RGS6: variants seen among roughly 807,000 people sequenced by gnomAD.
RGS6 encodes regulator of G-protein signaling 6.
In RGS6, 30 loss-of-function variants were observed where a neutral mutation model predicts 78.5. That is an observed-to-expected ratio of 0.38 (90% CI 0.29 to 0.52). The LOEUF is 0.52. RGS6 is among the 20% of genes least tolerant of loss of function. The pLI is 0.85. For missense variants in RGS6, 495 were observed against 609.7 expected (o/e 0.81, Z 1.98); for synonymous variants, 206 against 206.0 (o/e 1.00, Z 0.00).
At chr14:71,881,231 A>G in the RGS6 span, among the ~76,000 whole-genome samples, 1 of 152,240 alleles carries the variant, frequency 6.6e-6, no homozygotes, top group African/African-American at 2.4e-5. Flanking sequence ...TTACAGGCTC[A>G]TAGGCAGAAG....
chr14:72,506,151 G>A (rs910809592), intron 13 of RGS6, among the ~76,000 whole-genome samples: 3 of 152,154 alleles, frequency 2.0e-5, no homozygotes, highest in African/African-American at 7.2e-5. Context: ...TTTCATTTTA[G>A]TGCTGAACAC....
At chr14:72,374,956 A>G (rs73291331) in intron 3 of RGS6, among the ~76,000 whole-genome samples, 2,921 of 152,344 alleles carry the variant, frequency 0.019, 33 homozygotes, top group Middle Eastern at 0.034. Context: ...AATGAAAAAT[A>G]TAATTGAAAT....
intron 2 of RGS6, among the ~76,000 whole-genome samples, chr14:72,025,604 C>T (rs926318601): frequency 6.6e-6 from 1 of 152,034 alleles, no homozygotes; most frequent in Admixed American, 6.6e-5. Context: ...CTGTGCCTTT[C>T]CATAGGGCCA....
rs565418566 is a variant in RGS6, at chr14:72,492,249, T to C, written c.855-2903T>C. Among the ~76,000 whole-genome samples the C allele has an allele frequency of 3.9e-5, 6 of 152,296 alleles. No individual in the cohort carries two copies. The East Asian group carries it at 9.6e-4, about 24-fold the overall frequency. The stretch of plus-strand genomic sequence containing the variant: ...GAAGACTCAAAGACCCAGGGAAAAC[T>C]GTATTTGTGCTTAGGTTCCATGAAG... On this transcript the variant is annotated intron_variant, in intron 12 of 17. Coordinates refer to ENST00000553525, the MANE Select transcript of RGS6 (RefSeq NM_001204424.2).
In RGS6 at chr14:72,269,113, T is replaced by C. The variant is rs548035327; in HGVS notation, c.85-82982T>C. Among the ~76,000 whole-genome samples the C allele has an allele frequency of 2.1e-5, 3 of 139,978 alleles. No homozygotes were observed. In the Admixed American group the frequency reaches 2.2e-4, roughly 10 times the overall value. 91.8% of individuals were successfully genotyped at this position (139,978 alleles called of 152,430 possible). ...CCCTGCTGGCTCTACTTGTAAGATA[T>C]ACCCAGAATCTATTACCTCCGCCCC... On this transcript the variant is annotated intron_variant, in intron 2 of 17. Transcript: ENST00000553525.
intron 6 of RGS6, among the ~76,000 whole-genome samples, chr14:72,462,725 C>T (rs2095813235): frequency 6.6e-6 from 1 of 152,142 alleles, no homozygotes; most frequent in African/African-American, 2.4e-5. Context: ...CACTGGTCCT[C>T]GATTCTAATT....
At chr14:71,958,278 A>G (rs1289076534) in intron 1 of RGS6, among the ~76,000 whole-genome samples, 2 of 152,204 alleles carry the variant, frequency 1.3e-5, no homozygotes, top group African/African-American at 2.4e-5. Flanking sequence ...AACTGTGGGC[A>G]TTGGAATCAG....
the RGS6 span, among the ~76,000 whole-genome samples, chr14:71,907,783 A>T: frequency 2.0e-5 from 3 of 152,030 alleles, no homozygotes; most frequent in African/African-American, 7.3e-5. Context: ...CAGTGATGGG[A>T]GGAGATTTAA....
At chr14:72,469,159 GCTTTTTCTTT>G (rs2096006856) in intron 7 of RGS6, among the ~76,000 whole-genome samples, 1 of 150,794 alleles carries the variant, frequency 6.6e-6, no homozygotes, top group African/African-American at 2.4e-5. Flanking sequence ...TCTGTTTTGG[GCTTTTTCTTT>G]CATGAACATC....
intron 2 of RGS6, among the ~76,000 whole-genome samples, chr14:72,144,999 G>T (rs552182167): frequency 6.6e-6 from 1 of 152,196 alleles, no homozygotes; most frequent in South Asian, 2.1e-4. Flanking sequence ...TCAGGTTGGA[G>T]ATGGAATCAT....
chr14:72,410,531 T>G (rs1293388574), intron 3 of RGS6, among the ~76,000 whole-genome samples: 1 of 152,244 alleles, frequency 6.6e-6, no homozygotes, highest in African/African-American at 2.4e-5. Context: ...CTGTTCACTC[T>G]GATGGTGGTT....
At chr14:72,218,357 GACTC>G (rs1303018976) in intron 2 of RGS6, among the ~76,000 whole-genome samples, 1 of 151,100 alleles carries the variant, frequency 6.6e-6, no homozygotes, top group Non-Finnish European at 1.5e-5. Context: ...AGCAGACACT[GACTC>G]ACTGTGTTAA....
At chr14:72,498,212 C>CT (rs2096670406) in intron 13 of RGS6, among the ~76,000 whole-genome samples, 1 of 152,184 alleles carries the variant, frequency 6.6e-6, no homozygotes, top group South Asian at 2.1e-4. Context: ...GTTACTCCCC[C>CT]TGGAGATGTG....
At chr14:71,934,017 T>C (rs1477626754) in intron 1 of RGS6, among the ~76,000 whole-genome samples, 1 of 152,210 alleles carries the variant, frequency 6.6e-6, no homozygotes, top group African/African-American at 2.4e-5. Flanking sequence ...TCAATTTTCA[T>C]AGGCAAATAG....
chr14:72,485,156 G>A lies in RGS6; in HGVS notation c.854+6827G>A, dbSNP rs192529853. 1.3e-3 allele frequency among the ~76,000 whole-genome samples: 202 copies of A among 152,144 alleles called. 1 individual carries two copies. The highest frequency in any genetic ancestry group is 1.3e-3 in the Admixed American group (20 of 15,298). ...ACCAATCAGGAGTCAGGGATAAAGGGACAAGAATGCTAAAATTGCTCATTG... is the reference window on the plus strand; with the variant it reads ...ACCAATCAGGAGTCAGGGATAAAGGAACAAGAATGCTAAAATTGCTCATTG... On this transcript the variant is annotated intron_variant, in intron 12 of 17. Coordinates refer to ENST00000553525, the MANE Select transcript of RGS6 (RefSeq NM_001204424.2).
intron 17 of RGS6, among the ~76,000 whole-genome samples, chr14:72,555,408 A>T (rs1017780797): frequency 1.3e-5 from 2 of 152,234 alleles, no homozygotes; most frequent in African/African-American, 2.4e-5. Context: ...TTCTCTCAGG[A>T]TTTCCAAATG....
chr14:72,627,884 T>G, the RGS6 span, among the ~76,000 whole-genome samples: 1 of 152,120 alleles, frequency 6.6e-6, no homozygotes, highest in African/African-American at 2.4e-5. Context: ...TCCCTAAGTA[T>G]TTCTTCTTTG....
chr14:72,449,627 G>A (rs2095444685), intron 3 of RGS6, among the ~76,000 whole-genome samples: 1 of 152,210 alleles, frequency 6.6e-6, no homozygotes, highest in South Asian at 2.1e-4. Context: ...ACCAGGAAAA[G>A]ATCACTGCGT....
intron 3 of RGS6, among the ~76,000 whole-genome samples, chr14:72,425,938 A>G (rs2094417229): frequency 6.6e-6 from 1 of 152,240 alleles, no homozygotes; most frequent in African/African-American, 2.4e-5. Context: ...TGAAGAAGGT[A>G]GGGAAAAGAG....
Sources: gnomAD v4.1 joint callset for allele counts (sites outside exome capture counted in the v4.1 genomes callset) on GRCh38, gnomAD v4.1.1 for gene constraint, MANE v1.5 for transcripts, NCBI Gene and HGNC (gene_info 2026-07-23, HGNC 2026-07-21) for gene names.